CNNM2: variants seen among roughly 807,000 people sequenced by gnomAD.
CNNM2 encodes the protein metal transporter CNNM2.
In CNNM2, 12 loss-of-function variants were observed where a neutral mutation model predicts 66.9. The observed-to-expected ratio is 0.18, with a 90% confidence interval of 0.11 to 0.29. The LOEUF (loss-of-function observed/expected upper bound fraction) is 0.29, where lower values mean the gene tolerates loss of function less well. CNNM2 is among the 10% of genes least tolerant of loss of function. CNNM2 has a pLI of 1.00. For synonymous variants in CNNM2, 557 were observed against 501.8 expected, an observed-to-expected ratio of 1.11 and a Z score of -1.47; for missense variants, 705 against 1,167.7, an observed-to-expected ratio of 0.60 and a Z score of 5.77.
intron 1 of CNNM2, among the ~76,000 whole-genome samples, chr10:103,024,466 ATTTATTTTTATT>A (rs1214673578): frequency 6.6e-6 from 1 of 151,960 alleles, no homozygotes; most frequent in Non-Finnish European, 1.5e-5. Context: ...ACCAAGCAAA[ATTTATTTTTATT>A]TTTATTTTTA....
At chr10:103,039,852 A>G in intron 1 of CNNM2, among the ~76,000 whole-genome samples, 1 of 152,078 alleles carries the variant, frequency 6.6e-6, no homozygotes, top group African/African-American at 2.4e-5. Flanking sequence ...AGCAGGGAAA[A>G]GATCACAAAC....
chr10:102,959,429 T>C lies in CNNM2; in HGVS notation c.1621+39328T>C, dbSNP rs369331702. ...GTTAACACTCTCAGTCTGGTTGTTA[T>C]TGAAGACAATGCAAATGTCCCATTC... On this transcript the variant is annotated intron_variant, in intron 1 of 7. Coordinates refer to ENST00000369878, the MANE Select transcript of CNNM2 (RefSeq NM_017649.5). Among the ~76,000 whole-genome samples the C allele has an allele frequency of 7.9e-5, 12 of 152,228 alleles. No individual in the cohort carries two copies. The highest frequency in any genetic ancestry group is 2.9e-4 in the African/African-American group (12 of 41,462).
chr10:102,999,551 G>A (rs546446751), intron 1 of CNNM2, among the ~76,000 whole-genome samples: 5 of 152,076 alleles, frequency 3.3e-5, no homozygotes, highest in African/African-American at 9.6e-5. Context: ...TGTGTTTGTC[G>A]ACTCATGGAT....
chr10:103,004,284 G>A (rs1332478190), intron 1 of CNNM2, among the ~76,000 whole-genome samples: 1 of 152,150 alleles, frequency 6.6e-6, no homozygotes, highest in Non-Finnish European at 1.5e-5. Flanking sequence ...TTACAGGCGT[G>A]AGCCACCATG....
In CNNM2 at chr10:103,076,067, T is replaced by G. The variant is rs1242076208; in HGVS notation, c.2234-19T>G. 3.1e-6 allele frequency: 5 copies of G among 1,599,848 alleles called. No individual in the cohort carries two copies. In the South Asian group the frequency reaches 4.5e-5, roughly 14 times the overall value. On this transcript the variant is annotated intron_variant, in intron 6 of 7. Transcript: ENST00000369878. ...TATCTACTTCACTTAAACAGTTGGA[T>G]TTTTCCCTCCTTTTCCAGGTGAAAA...
chr10:103,045,560 C>G (rs1158168882), intron 1 of CNNM2, among the ~76,000 whole-genome samples: 2 of 152,028 alleles, frequency 1.3e-5, no homozygotes, highest in East Asian at 1.9e-4. Flanking sequence ...AAAGTGTTAA[C>G]TAAACTTTAT....
chr10:102,939,054 T>C (rs1846339138), intron 1 of CNNM2, among the ~76,000 whole-genome samples: 1 of 152,214 alleles, frequency 6.6e-6, no homozygotes, highest in African/African-American at 2.4e-5. Flanking sequence ...TTACTTTATC[T>C]GTGACCTCCC....
chr10:103,061,679 T>G (rs747669828), intron 4 of CNNM2, among the ~76,000 whole-genome samples: 25 of 152,314 alleles, frequency 1.6e-4, no homozygotes, highest in Non-Finnish European at 2.6e-4. Context: ...AATCCTAAAA[T>G]CTGATAATAT....
At chr10:102,953,015 T>C (rs948765503) in intron 1 of CNNM2, among the ~76,000 whole-genome samples, 3 of 152,196 alleles carry the variant, frequency 2.0e-5, no homozygotes, top group African/African-American at 7.2e-5. Flanking sequence ...AAAATATAAT[T>C]TGGCATTTGT....
At chr10:103,057,065 AT>A in intron 4 of CNNM2, 101 bp downstream of exon 4, 1 of 1,167,076 alleles carries the variant, frequency 8.6e-7, no homozygotes, top group Non-Finnish European at 1.2e-6. Flanking sequence ...GAACCTTTCT[AT>A]AGGGGGTAGC....
chr10:102,964,859 G>C (rs1295669637), intron 1 of CNNM2, among the ~76,000 whole-genome samples: 4 of 151,776 alleles, frequency 2.6e-5, no homozygotes, highest in Non-Finnish European at 4.4e-5. Context: ...ATAGTGTTAA[G>C]CGAGGGGGTT....
At chr10:103,030,176 C>T (rs1252855253) in intron 1 of CNNM2, among the ~76,000 whole-genome samples, 1 of 152,082 alleles carries the variant, frequency 6.6e-6, no homozygotes, top group Non-Finnish European at 1.5e-5. Context: ...GGAGATGTGG[C>T]TAGAGAAGGA....
At chr10:102,999,631 C>G (rs1347588761) in intron 1 of CNNM2, among the ~76,000 whole-genome samples, 3 of 152,006 alleles carry the variant, frequency 2.0e-5, no homozygotes, top group Non-Finnish European at 4.4e-5. Flanking sequence ...CAATCCTTAT[C>G]AAAATCCAGG....
chr10:102,919,595 G>T lies in CNNM2; in HGVS notation c.1115G>T (p.Gly372Val). 1 of 1,613,682 alleles carries T rather than the reference G, an allele frequency of 6.2e-7. No individual in the cohort carries two copies. The highest frequency in any genetic ancestry group is 8.5e-7 in the Non-Finnish European group (1 of 1,180,042). Residue 372 changes from glycine to valine, a missense_variant, in exon 1 of 8, where the codon GGG becomes GTG. Physicochemically the swap from Gly to Val is moderately radical, Grantham distance 109. Coordinates refer to ENST00000369878, the MANE Select transcript of CNNM2 (RefSeq NM_017649.5). ...AICSRHGLAV[G>V]ANTIFLTKFF... ...TGCTCCCGGCATGGCCTGGCTGTGG[G>T]GGCCAACACCATCTTCCTCACCAAG...
At chr10:103,058,942 C>T (rs2065339099) in intron 4 of CNNM2, among the ~76,000 whole-genome samples, 1 of 152,096 alleles carries the variant, frequency 6.6e-6, no homozygotes, top group South Asian at 2.1e-4. Context: ...GAGCATGATC[C>T]ACTGTGGAGT....
At chr10:102,987,836 A>G (rs530985300) in intron 1 of CNNM2, among the ~76,000 whole-genome samples, 1 of 152,266 alleles carries the variant, frequency 6.6e-6, no homozygotes, top group East Asian at 1.9e-4. Context: ...AGGAATTATC[A>G]CTATTTTCCT....
intron 1 of CNNM2, among the ~76,000 whole-genome samples, chr10:102,932,817 T>A (rs1264322789): frequency 2.0e-5 from 3 of 150,108 alleles, no homozygotes; most frequent in Non-Finnish European, 4.4e-5. Flanking sequence ...ATGAGGAGGC[T>A]GAGGCAGGAG....
At chr10:103,071,688 C>T in intron 5 of CNNM2, 86 bp from the exon 6 acceptor site, 1 of 1,021,696 alleles carries the variant, frequency 9.8e-7, no homozygotes, top group Admixed American at 1.7e-5. Context: ...ATTGATAGAA[C>T]AAGTATCCCC....
chr10:102,950,149 T>C (rs1429640805), intron 1 of CNNM2, among the ~76,000 whole-genome samples: 1 of 152,196 alleles, frequency 6.6e-6, no homozygotes, highest in African/African-American at 2.4e-5. Context: ...CAGGCAGATA[T>C]TGGTATTAAT....
Sources: allele counts gnomAD v4.1 joint callset (sites outside exome capture counted in the v4.1 genomes callset), GRCh38; gene constraint gnomAD v4.1.1; transcripts MANE v1.5; gene names NCBI Gene and HGNC (gene_info 2026-07-23, HGNC 2026-07-21).